STRN3: variants seen among roughly 807,000 people sequenced by gnomAD.
The protein encoded by STRN3 is striatin-3.
In STRN3, 29 loss-of-function variants were observed where a neutral mutation model predicts 95.6. The ratio of observed to expected loss-of-function variants is 0.30; its 90% CI spans 0.23 to 0.41. STRN3 has a LOEUF of 0.41. STRN3 is among the 10% of genes least tolerant of loss of function. STRN3 has a pLI of 1.00. For synonymous variants in STRN3, 331 were observed against 357.6 expected, an observed-to-expected ratio of 0.93 and a Z score of 0.84; for missense variants, 890 against 972.1, an observed-to-expected ratio of 0.92 and a Z score of 1.12.
chr14:30,926,538 T>TTACTTCTTATAA (rs1402561813), intron 8 of STRN3, among the ~76,000 whole-genome samples: 2 of 151,870 alleles, frequency 1.3e-5, no homozygotes, highest in African/African-American at 2.4e-5. Context: ...ACTTCTTATA[T>TTACTTCTTATAA]TACTTCTTAT....
At chr14:31,000,009 A>G (rs1882371995) in intron 1 of STRN3, among the ~76,000 whole-genome samples, 1 of 152,228 alleles carries the variant, frequency 6.6e-6, no homozygotes, top group African/African-American at 2.4e-5. Context: ...GCTGAAAGAA[A>G]AGAGATTGTC....
At chr14:30,952,135 A>G (rs914978828) in intron 3 of STRN3, among the ~76,000 whole-genome samples, 1 of 149,186 alleles carries the variant, frequency 6.7e-6, no homozygotes, top group Non-Finnish European at 1.5e-5. Flanking sequence ...AAAAAAAAAG[A>G]GTTTAATAAA....
chr14:30,956,140 T>G lies in STRN3; in HGVS notation c.385A>C (p.Arg129=). 6.2e-7 allele frequency: 1 copy of G among 1,611,400 alleles called. No homozygotes were observed. Among genetic ancestry groups the G allele is most frequent in the African/African-American group, 1.3e-5 (1 of 74,982 alleles). Residue 129 remains arginine (R), a splice_region_variant and synonymous_variant, in exon 2 of 18, where the codon AGG becomes CGG. Coordinates refer to ENST00000357479, the MANE Select transcript of STRN3 (RefSeq NM_001083893.2). The stretch of plus-strand genomic sequence containing the variant: ...TGTAACAAAATGAGGCACACATACC[T>G]TTCTTGTTTTAATGCATACTCTAAC... ...KMLEYALKQE[R]AKYHKLKYGT...
At chr14:30,921,081 C>CAA (rs1896871296) in intron 8 of STRN3, among the ~76,000 whole-genome samples, 1 of 114,540 alleles carries the variant, frequency 8.7e-6, no homozygotes, top group Admixed American at 8.0e-5. Context: ...TACACACACA[C>CAA]ACACACACAC....
intron 1 of STRN3, among the ~76,000 whole-genome samples, chr14:31,013,408 G>C (rs1407231522): frequency 6.6e-6 from 1 of 151,752 alleles, no homozygotes; most frequent in Non-Finnish European, 1.5e-5. Flanking sequence ...TGAAAAATAG[G>C]TTATATAGTT....
At chr14:30,995,463 A>G (rs1882154788) in intron 1 of STRN3, among the ~76,000 whole-genome samples, 1 of 152,118 alleles carries the variant, frequency 6.6e-6, no homozygotes, top group Admixed American at 6.5e-5. Context: ...TAGCTTCCTC[A>G]TTTGTCAAAT....
intron 3 of STRN3, 29 bp downstream of exon 3, chr14:30,955,591 A>T (rs1879860812): frequency 6.4e-7 from 1 of 1,554,256 alleles, no homozygotes; most frequent in Admixed American, 2.3e-5. Flanking sequence ...AATTAAAAAA[A>T]AAAAAAGTAA....
At position 30,962,903 on chromosome 14, in the gene STRN3, T is replaced by C. The variant is rs182308138; in HGVS notation, c.283-6661A>G. ...TACTTACCATTGTGTTACAACTGCC[T>C]ATAGTATTCAGTACAGTAACATGCT... On this transcript the variant is annotated intron_variant, in intron 1 of 17. Transcript: ENST00000357479. Among the ~76,000 whole-genome samples the C allele has an allele frequency of 1.1e-4, 17 of 152,200 alleles. No individual in the cohort carries two copies. The East Asian group carries it at 3.1e-3, about 28-fold the overall frequency.
chr14:31,018,874 G>C (rs1319313631), intron 1 of STRN3: 2 of 299,228 alleles, frequency 6.7e-6, no homozygotes, highest in Non-Finnish European at 1.3e-5. Context: ...TGTAATCCCA[G>C]CATTTTGGGA....
intron 1 of STRN3, among the ~76,000 whole-genome samples, chr14:30,982,691 C>T (rs946682658): frequency 6.6e-6 from 1 of 152,172 alleles, no homozygotes; most frequent in African/African-American, 2.4e-5. Flanking sequence ...CACAGATAAG[C>T]CCCTTTTCCA....
At chr14:30,914,821 T>C (rs1010076363) in intron 9 of STRN3, among the ~76,000 whole-genome samples, 4 of 152,242 alleles carry the variant, frequency 2.6e-5, no homozygotes, top group Non-Finnish European at 5.9e-5. Context: ...CTTAGTTTTC[T>C]CAACTATATC....
intron 1 of STRN3, among the ~76,000 whole-genome samples, chr14:30,964,127 C>G (rs1432660005): frequency 6.6e-6 from 1 of 152,136 alleles, no homozygotes; most frequent in East Asian, 1.9e-4. Flanking sequence ...TGGTGCGCAT[C>G]TGTAGTCTCA....
intron 1 of STRN3, among the ~76,000 whole-genome samples, chr14:31,010,956 T>C (rs1882942533): frequency 6.6e-6 from 1 of 152,174 alleles, no homozygotes; most frequent in South Asian, 2.1e-4. Context: ...GGAGAATCAC[T>C]TGAACCCAGG....
chr14:30,922,565 C>A (rs1369266365), intron 8 of STRN3, among the ~76,000 whole-genome samples: 1 of 152,130 alleles, frequency 6.6e-6, no homozygotes, highest in African/African-American at 2.4e-5. Context: ...TACTTTTGAA[C>A]AAATCTAACA....
chr14:30,912,946 A>T lies in STRN3; in HGVS notation c.1374+578T>A, dbSNP rs74040944. Among the ~76,000 whole-genome samples, 575 of 152,302 alleles carry T rather than the reference A, an allele frequency of 3.8e-3. 2 individuals carry two copies. Among genetic ancestry groups the T allele is most frequent in the African/African-American group, 0.013 (540 of 41,582 alleles). On this transcript the variant is annotated intron_variant, in intron 10 of 17. Coordinates refer to ENST00000357479, the MANE Select transcript of STRN3 (RefSeq NM_001083893.2). ...CTGCAATTAACATAAAGATCTAACA[A>T]GTATAGTTAACTCTCAATTGAAATA...
chr14:30,983,503 C>CCA (rs1307475014), intron 1 of STRN3, among the ~76,000 whole-genome samples: 2 of 152,196 alleles, frequency 1.3e-5, no homozygotes, highest in African/African-American at 4.8e-5. Context: ...CGAGATCGTG[C>CCA]CACTGCACTC....
chr14:30,985,283 G>A (rs1436380904), intron 1 of STRN3, among the ~76,000 whole-genome samples: 1 of 140,614 alleles, frequency 7.1e-6, no homozygotes, highest in African/African-American at 2.7e-5. Context: ...ACTCCAGCCT[G>A]GGCAACAAGA....
intron 5 of STRN3, among the ~76,000 whole-genome samples, chr14:30,937,563 G>A (rs1348629026): frequency 6.6e-6 from 1 of 151,986 alleles, no homozygotes; most frequent in Non-Finnish European, 1.5e-5. Flanking sequence ...CACAAAAAAA[G>A]GTTTTCATAC....
chr14:30,980,363 TA>T (rs1881331659), intron 1 of STRN3, among the ~76,000 whole-genome samples: 2 of 152,198 alleles, frequency 1.3e-5, no homozygotes, highest in Admixed American at 1.3e-4. Context: ...GGTAGTGAAC[TA>T]AAAAGTTCAA....
Sources: allele counts gnomAD v4.1 joint callset (sites outside exome capture counted in the v4.1 genomes callset), GRCh38; gene constraint gnomAD v4.1.1; transcripts MANE v1.5; gene names NCBI Gene and HGNC (gene_info 2026-07-23, HGNC 2026-07-21).